The following TSPAN1 variants were observed in gnomAD, a reference collection of about 807,000 sequenced individuals.
TSPAN1 encodes the protein tetraspanin 1, also known as tetraspanin-1.
TSPAN1 carries 23 observed loss-of-function variants against 26.9 expected under a neutral mutation model. The observed-to-expected ratio is 0.85, with a 90% confidence interval of 0.62 to 1.21. The LOEUF is 1.21. TSPAN1 is among the 50% of genes most tolerant of loss of function. The pLI, the probability that TSPAN1 is intolerant of heterozygous loss-of-function variation, is 0.00. For missense variants in TSPAN1, 283 were observed against 298.4 expected (o/e 0.95, Z 0.38); for synonymous variants, 115 against 114.8 (o/e 1.00, Z -0.01).
intron 3 of TSPAN1, among the ~76,000 whole-genome samples, chr1:46,182,304 C>CAAAAAGAAAAAAAAAAAAAAAA (rs1657330214): frequency 3.3e-5 from 1 of 30,162 alleles, no homozygotes; most frequent in Non-Finnish European, 6.2e-5. Flanking sequence ...TAGGGATAAG[C>CAAAAAGAAAAAAAAAAAAAAAA]AAAAAAAAAA....
chr1:46,184,834 A>G lies in TSPAN1; in HGVS notation c.389A>G (p.Tyr130Cys), dbSNP rs747677012. The G allele has an allele frequency of 3.1e-6, 5 of 1,614,182 alleles. No individual in the cohort carries two copies. In the South Asian group the frequency reaches 5.5e-5, roughly 18 times the overall value. Residue 130 changes from tyrosine (Y) to cysteine (C), a missense_variant, in exon 6 of 9, where the codon TAT (tyrosine) becomes TGT (cysteine). Tyr to Cys is a radical substitution (Grantham distance 194). Transcript: ENST00000372003. ...LLVVPAIKKDYGSQEDFTQVW... is the reference protein window; with the variant it reads ...LLVVPAIKKDCGSQEDFTQVW... ...GTAGTGCCTGCCATCAAGAAAGATT[A>G]TGGTTCCCAGGAAGACTTCACTCAA...
chr1:46,192,489 C>T, the TSPAN1 span: 1 of 1,614,032 alleles, frequency 6.2e-7, no homozygotes, highest in Non-Finnish European at 8.5e-7. Context: ...CATAAACTCG[C>T]CTGCTAAACC....
chr1:46,184,044 G>T (rs1374280760), intron 3 of TSPAN1, 147 bp from the exon 4 acceptor site: 2 of 796,524 alleles, frequency 2.5e-6, no homozygotes, highest in Admixed American at 2.2e-5. Context: ...GGCTCTAGAG[G>T]ATGTTTCCCT....
chr1:46,178,465 T>C (rs567799153), intron 1 of TSPAN1, among the ~76,000 whole-genome samples: 33 of 151,808 alleles, frequency 2.2e-4, no homozygotes, highest in Middle Eastern at 6.8e-3. Flanking sequence ...TCCTCCTTTC[T>C]GTTTGTGGAG....
chr1:46,192,033 A>C, the TSPAN1 span: 2 of 1,541,136 alleles, frequency 1.3e-6, no homozygotes, highest in Non-Finnish European at 1.8e-6. Context: ...AGATTGCTTC[A>C]GAGTCCATGT....
chr1:46,177,302 T>C (rs1395744269), intron 1 of TSPAN1, among the ~76,000 whole-genome samples: 6 of 151,134 alleles, frequency 4.0e-5, no homozygotes, highest in Non-Finnish European at 8.8e-5. Flanking sequence ...ACCATTGCAC[T>C]CCAGCCTGGG....
At position 46,175,314 on chromosome 1, in the gene TSPAN1, G is replaced by A. The variant is rs1203602756; in HGVS notation, c.-237G>A. 1 of 332,460 alleles carries A rather than the reference G, an allele frequency of 3.0e-6. No individual in the cohort carries two copies. The highest frequency in any genetic ancestry group is 4.9e-5 in the Admixed American group (1 of 20,532). 20.6% of individuals were successfully genotyped at this position (332,460 alleles called of 1,614,324 possible). On this transcript the variant is annotated 5_prime_UTR_variant, in exon 1 of 9. Coordinates refer to ENST00000372003, the MANE Select transcript of TSPAN1 (RefSeq NM_005727.4). ...GCCCCTACTTCATGGGGCAGATCAA[G>A]AGCTGAGACCAAAGATGGTCTATGT...
chr1:46,175,109 A>C lies in TSPAN1; in HGVS notation c.-442A>C, dbSNP rs1171311040. On this transcript the variant is annotated 5_prime_UTR_variant, in exon 1 of 9. Transcript: ENST00000372003. ...CTCAGACACACACACCAGCAGCTAC[A>C]CCTACACGCTGACCATCACAGGCAC... The C allele has an allele frequency of 6.5e-6, 1 of 154,208 alleles. No individual in the cohort carries two copies. Among genetic ancestry groups the C allele is most frequent in the African/African-American group, 2.4e-5 (1 of 41,424 alleles). 9.6% of individuals were successfully genotyped at this position (154,208 alleles called of 1,614,324 possible). A position where few individuals can be genotyped will look rare whatever the true frequency, so the allele number is the denominator to read the frequency against.
downstream of TSPAN1, chr1:46,190,614 C>A: frequency 6.5e-7 from 1 of 1,532,848 alleles, no homozygotes. Flanking sequence ...GAATCTGTAG[C>A]CGCAGGGCTG....
chr1:46,193,313 C>T, the TSPAN1 span: 8 of 1,613,646 alleles, frequency 5.0e-6, no homozygotes, highest in East Asian at 6.7e-5. Context: ...ACCTGAGACA[C>T]GCGGGCATTC....
chr1:46,186,962 A>G (rs1362984442), downstream of TSPAN1, among the ~76,000 whole-genome samples: 2 of 151,428 alleles, frequency 1.3e-5, no homozygotes, highest in Non-Finnish European at 2.9e-5. Context: ...GTGCCCGGCC[A>G]CGCCCGGCTA....
At chr1:46,193,567 ATAG>A in the TSPAN1 span, 12 of 1,614,140 alleles carry the variant, frequency 7.4e-6, no homozygotes, top group Non-Finnish European at 9.3e-6. Flanking sequence ...TGCTCACCTC[ATAG>A]TAGCCGTCAA....
At chr1:46,185,433 G>T (rs1657408906) in intron 8 of TSPAN1, 53 bp from the exon 9 acceptor site, 13 of 1,612,072 alleles carry the variant, frequency 8.1e-6, no homozygotes, top group African/African-American at 1.3e-5. Context: ...TGTGGGACAG[G>T]CTTCAGGATC....
At chr1:46,189,822 G>A, downstream of TSPAN1, 2 of 1,612,994 alleles carry the variant, frequency 1.2e-6, no homozygotes, top group South Asian at 1.1e-5. Context: ...GAGGGGGAGG[G>A]GTTCTCCAGG....
chr1:46,192,130 T>A, the TSPAN1 span: 1 of 1,614,202 alleles, frequency 6.2e-7, no homozygotes, highest in Non-Finnish European at 8.5e-7. Context: ...AGGCCGACGA[T>A]GCCAAAGTGG....
At chr1:46,192,382 G>T in the TSPAN1 span, 1 of 1,614,158 alleles carries the variant, frequency 6.2e-7, no homozygotes, top group Non-Finnish European at 8.5e-7. Flanking sequence ...CCCAGCCCAG[G>T]CATGGTCTCC....
the TSPAN1 span, chr1:46,193,052 C>T: frequency 6.2e-7 from 1 of 1,603,410 alleles, no homozygotes; most frequent in Admixed American, 1.7e-5. Context: ...CAGCATTACC[C>T]CCATTTTCCA....
downstream of TSPAN1, chr1:46,189,236 C>G (rs200540049): frequency 4.4e-6 from 7 of 1,600,544 alleles, no homozygotes; most frequent in Non-Finnish European, 6.0e-6. Flanking sequence ...TGGGGGTACA[C>G]AGTACCCAGC....
At chr1:46,192,111 T>C in the TSPAN1 span, 1 of 1,614,062 alleles carries the variant, frequency 6.2e-7, no homozygotes, top group Non-Finnish European at 8.5e-7. Context: ...AAAGTAGCCA[T>C]TCATGTTGAG....
Sources: gnomAD v4.1 joint callset for allele counts (sites outside exome capture counted in the v4.1 genomes callset) on GRCh38, gnomAD v4.1.1 for gene constraint, MANE v1.5 for transcripts, NCBI Gene and HGNC (gene_info 2026-07-23, HGNC 2026-07-21) for gene names.